The following PLPPR1 variants were observed in gnomAD, a reference collection of about 807,000 sequenced individuals.
PLPPR1 encodes phospholipid phosphatase related 1.
PLPPR1 carries 10 observed loss-of-function variants against 33.1 expected under a neutral mutation model. The ratio of observed to expected loss-of-function variants is 0.30; its 90% CI spans 0.19 to 0.51. The LOEUF is 0.51. Ranked by LOEUF, PLPPR1 falls within the 20% of genes least tolerant of loss-of-function variation. The probability of loss-of-function intolerance (pLI) is 0.97; values close to 1 mark genes in which losing one functional copy is unlikely to be tolerated. For missense variants in PLPPR1, 304 were observed against 408.1 expected (o/e 0.74, Z 2.20); for synonymous variants, 151 against 151.0 (o/e 1.00, Z 0.00).
chr9:101,270,145 T>C, intron 3 of PLPPR1, 77 bp downstream of exon 3: 1 of 1,474,972 alleles, frequency 6.8e-7, no homozygotes, highest in East Asian at 2.3e-5. Flanking sequence ...CTCCTCTTTC[T>C]TCTCTTCCTG....
rs143772192 is a variant in PLPPR1, at chr9:101,160,744, G to A, written c.-45-24706G>A. Reference sequence around the variant, plus strand: ...TCCCATAAATATTTATGCAAAAATCGTATGACTGGAAAGAATTTCAAGTTA... The same window carrying A: ...TCCCATAAATATTTATGCAAAAATCATATGACTGGAAAGAATTTCAAGTTA... On this transcript the variant is annotated intron_variant, in intron 1 of 7. Coordinates refer to ENST00000374874, the MANE Select transcript of PLPPR1 (RefSeq NM_207299.2). Among the ~76,000 whole-genome samples the A allele has an allele frequency of 2.8e-3, 421 of 152,046 alleles. 2 individuals are homozygous for A. Among genetic ancestry groups the A allele is most frequent in the African/African-American group, 8.6e-3 (357 of 41,484 alleles).
chr9:101,323,987 C>G, intron 7 of PLPPR1, 38 bp from the exon 8 acceptor site: 1 of 1,602,700 alleles, frequency 6.2e-7, no homozygotes, highest in Non-Finnish European at 8.5e-7. Context: ...GTCAGGCAAC[C>G]CTATCTCAGA....
At chr9:101,058,271 G>A (rs544949729) in intron 1 of PLPPR1, among the ~76,000 whole-genome samples, 1 of 150,410 alleles carries the variant, frequency 6.6e-6, no homozygotes, top group East Asian at 2.0e-4. Context: ...ACCCTGACAA[G>A]TACCATGTGA....
chr9:101,154,574 A>G (rs1214070205), intron 1 of PLPPR1, among the ~76,000 whole-genome samples: 1 of 152,132 alleles, frequency 6.6e-6, no homozygotes, highest in Non-Finnish European at 1.5e-5. Context: ...AGTATCTAGA[A>G]CTAGAAATAT....
At chr9:101,222,909 AC>A (rs887133494) in intron 2 of PLPPR1, among the ~76,000 whole-genome samples, 1 of 151,890 alleles carries the variant, frequency 6.6e-6, no homozygotes, top group African/African-American at 2.4e-5. Context: ...TAAGTAAAGC[AC>A]CAGGACTTTA....
intron 1 of PLPPR1, among the ~76,000 whole-genome samples, chr9:101,116,761 A>G (rs931716832): frequency 4.4e-4 from 67 of 150,908 alleles, no homozygotes; most frequent in Non-Finnish European, 9.3e-4. Flanking sequence ...GTGAGCCAAG[A>G]TTGCACCACT....
chr9:101,259,278 C>T (rs1437496300), intron 2 of PLPPR1, among the ~76,000 whole-genome samples: 1 of 152,102 alleles, frequency 6.6e-6, no homozygotes, highest in Non-Finnish European at 1.5e-5. Flanking sequence ...AGAGGCCATG[C>T]CTGATGGGAT....
At chr9:101,159,839 C>T (rs1588052701) in intron 1 of PLPPR1, among the ~76,000 whole-genome samples, 1 of 152,158 alleles carries the variant, frequency 6.6e-6, no homozygotes, top group African/African-American at 2.4e-5. Flanking sequence ...GTATTCCAAG[C>T]TTTGTGTTGA....
At chr9:101,190,179 A>C (rs761147374) in intron 2 of PLPPR1, among the ~76,000 whole-genome samples, 1 of 152,158 alleles carries the variant, frequency 6.6e-6, no homozygotes, top group Non-Finnish European at 1.5e-5. Flanking sequence ...TGGATTATAT[A>C]GAACACTTTC....
At chr9:101,192,166 C>T (rs555370997) in intron 2 of PLPPR1, among the ~76,000 whole-genome samples, 6 of 152,234 alleles carry the variant, frequency 3.9e-5, no homozygotes, top group East Asian at 3.9e-4. Context: ...TTTTGAAAAA[C>T]GAATTTCTCT....
At chr9:101,292,787 A>T (rs1176105863) in intron 4 of PLPPR1, among the ~76,000 whole-genome samples, 1 of 151,860 alleles carries the variant, frequency 6.6e-6, no homozygotes, top group Non-Finnish European at 1.5e-5. Context: ...CCTGCTCTAA[A>T]AGAGCTCCTG....
intron 1 of PLPPR1, among the ~76,000 whole-genome samples, chr9:101,095,800 C>G (rs758551444): frequency 6.6e-6 from 1 of 152,128 alleles, no homozygotes; most frequent in Non-Finnish European, 1.5e-5. Flanking sequence ...AGAAGTATTT[C>G]TGGGCCTCTG....
At chr9:101,293,591 A>T (rs962461157) in intron 4 of PLPPR1, among the ~76,000 whole-genome samples, 1 of 152,238 alleles carries the variant, frequency 6.6e-6, no homozygotes, top group South Asian at 2.1e-4. Flanking sequence ...ATCAGAAATT[A>T]TAACAAACTG....
At chr9:101,043,098 C>T (rs960350056) in intron 1 of PLPPR1, among the ~76,000 whole-genome samples, 4 of 152,144 alleles carry the variant, frequency 2.6e-5, no homozygotes, top group African/African-American at 9.6e-5. Flanking sequence ...TCCATTGTAT[C>T]ATTCTTATGC....
rs191963945 is a variant in PLPPR1 at position 101,062,739 on chromosome 9, A to G, written c.-46+33637A>G. Reference sequence around the variant, plus strand: ...AGAAGAGACTCTCAAATGAAAACTGATCCAATAGATAACAATTATAAGGTA... The same window carrying G: ...AGAAGAGACTCTCAAATGAAAACTGGTCCAATAGATAACAATTATAAGGTA... On this transcript the variant is annotated intron_variant, in intron 1 of 7. Coordinates refer to ENST00000374874, the MANE Select transcript of PLPPR1 (RefSeq NM_207299.2). 2.5e-3 allele frequency among the ~76,000 whole-genome samples: 387 copies of G among 152,194 alleles called. 1 individual carries two copies. Among genetic ancestry groups the G allele is most frequent in the African/African-American group, 8.7e-3 (361 of 41,566 alleles).
intron 1 of PLPPR1, among the ~76,000 whole-genome samples, chr9:101,117,253 G>A (rs188922762): frequency 3.7e-4 from 57 of 152,198 alleles, no homozygotes; most frequent in Non-Finnish European, 7.2e-4. Context: ...CTAAATACAA[G>A]TCATAAAGAC....
At chr9:101,107,851 G>A (rs937630480) in intron 1 of PLPPR1, among the ~76,000 whole-genome samples, 3 of 150,896 alleles carry the variant, frequency 2.0e-5, no homozygotes, top group Non-Finnish European at 4.4e-5. Flanking sequence ...TAGTCTCGTG[G>A]TGCGCCGTTT....
At chr9:101,046,471 G>A (rs112177126) in intron 1 of PLPPR1, among the ~76,000 whole-genome samples, 2,739 of 122,346 alleles carry the variant, frequency 0.022, 99 homozygotes, top group African/African-American at 0.082. Flanking sequence ...ACAGAGTCTC[G>A]CCATGTCGCC....
chr9:101,292,526 A>T (rs912536588), intron 4 of PLPPR1, among the ~76,000 whole-genome samples: 7 of 151,774 alleles, frequency 4.6e-5, no homozygotes, highest in African/African-American at 1.7e-4. Context: ...AAAAAATGTT[A>T]AGGGCAGCCA....
Sources: allele counts gnomAD v4.1 joint callset (sites outside exome capture counted in the v4.1 genomes callset), GRCh38; gene constraint gnomAD v4.1.1; transcripts MANE v1.5; gene names NCBI Gene and HGNC (gene_info 2026-07-23, HGNC 2026-07-21).